IFT88: variants seen among roughly 807,000 people sequenced by gnomAD.
The protein encoded by IFT88 is intraflagellar transport 88.
IFT88 carries 74 observed loss-of-function variants against 119.5 expected under a neutral mutation model. The observed-to-expected ratio is 0.62, with a 90% confidence interval of 0.51 to 0.75. The LOEUF (loss-of-function observed/expected upper bound fraction) is 0.75, where lower values mean the gene tolerates loss of function less well. Among genes scored for constraint, IFT88 ranks in the 30% least tolerant of loss-of-function variants. The probability of loss-of-function intolerance (pLI) is 0.00; values close to 1 mark genes in which losing one functional copy is unlikely to be tolerated. For synonymous variants in IFT88, 279 were observed against 316.7 expected, an observed-to-expected ratio of 0.88 and a Z score of 1.26; for missense variants, 961 against 977.7, an observed-to-expected ratio of 0.98 and a Z score of 0.23.
At chr13:20,608,306 T>C (rs954473094) in intron 13 of IFT88, among the ~76,000 whole-genome samples, 1 of 152,220 alleles carries the variant, frequency 6.6e-6, no homozygotes, top group South Asian at 2.1e-4. Flanking sequence ...TGGCGCCCCA[T>C]GAGCCACAGG....
chr13:20,685,295 G>A (rs2057789904), intron 24 of IFT88, among the ~76,000 whole-genome samples: 2 of 152,154 alleles, frequency 1.3e-5, no homozygotes, highest in Admixed American at 6.5e-5. Context: ...GTAAACCAAC[G>A]ACTTCTAGCA....
rs757994270 is a variant in IFT88 at position 20,638,346 on chromosome 13, A to G, written c.1401A>G (p.Ala467=). 7.4e-7 allele frequency: 1 copy of G among 1,352,838 alleles called. No individual in the cohort carries two copies. The highest frequency in any genetic ancestry group is 9.6e-7 in the Non-Finnish European group (1 of 1,043,034). 83.8% of individuals were successfully genotyped at this position (1,352,838 alleles called of 1,614,324 possible). A position where few individuals can be genotyped will look rare whatever the true frequency, so the allele number is the denominator to read the frequency against. The part of the protein sequence containing the change: ...SALYYMGKDF[A]QASSYADIAV... ...ATTTTACTTAGGGAAAGGATTTTGCACAAGCCAGCAGCTATGCAGATATAG... is the reference window on the plus strand; with the variant it reads ...ATTTTACTTAGGGAAAGGATTTTGCGCAAGCCAGCAGCTATGCAGATATAG... The change falls in exon 17 of 26, where the codon GCA becomes GCG. Residue 467 remains alanine, a synonymous_variant. Coordinates refer to ENST00000351808, the MANE Select transcript of IFT88 (RefSeq NM_006531.5).
intron 22 of IFT88, chr13:20,663,220 C>T: frequency 7.3e-7 from 1 of 1,374,300 alleles, no homozygotes; most frequent in Middle Eastern, 2.3e-4. Flanking sequence ...CATTTGCCTT[C>T]TAAGTTCTCT....
intron 21 of IFT88, among the ~76,000 whole-genome samples, chr13:20,656,082 T>A (rs987032903): frequency 7.8e-6 from 1 of 128,574 alleles, no homozygotes. Context: ...GAATAGCCAC[T>A]GTACTCCAGC....
chr13:20,631,050 A>G lies in IFT88; in HGVS notation c.1334A>G (p.Asp445Gly). The G allele has an allele frequency of 6.2e-7, 1 of 1,606,602 alleles. No individual in the cohort carries two copies. The highest frequency in any genetic ancestry group is 2.2e-5 in the East Asian group (1 of 44,812). ...ATCTTAAAAGTGTTGGAAAAAAAGG[A>G]CAGTAGAGTGAAAAGTGCAGCTGCA... Reference protein sequence around the residue: ...VEILKVLEKKDSRVKSAAATN... With the variant: ...VEILKVLEKKGSRVKSAAATN... Residue 445 changes from aspartate (D) to glycine (G), a missense_variant, in exon 16 of 26, where the codon GAC becomes GGC. By Grantham distance (94) the Asp-to-Gly change is moderately conservative. Coordinates refer to ENST00000351808, the MANE Select transcript of IFT88 (RefSeq NM_006531.5).
intron 14 of IFT88, among the ~76,000 whole-genome samples, chr13:20,624,264 T>G (rs540284289): frequency 6.6e-6 from 1 of 152,234 alleles, no homozygotes; most frequent in South Asian, 2.1e-4. Context: ...AATAAAGGAT[T>G]TTGCAAAGGA....
At chr13:20,625,690 C>T (rs2047180181) in intron 14 of IFT88, 60 bp from the exon 15 acceptor site, 1 of 1,162,348 alleles carries the variant, frequency 8.6e-7, no homozygotes, top group African/African-American at 1.6e-5. Flanking sequence ...TTTAAGAAAA[C>T]CAACAGCATC....
chr13:20,568,029 A>G (rs1043547456), intron 1 of IFT88: 2 of 713,372 alleles, frequency 2.8e-6, no homozygotes, highest in Non-Finnish European at 2.6e-6. Context: ...AAATCGCAAA[A>G]AAGAATCTCA....
At chr13:20,627,068 G>A (rs12873775) in intron 15 of IFT88, among the ~76,000 whole-genome samples, 60,482 of 152,104 alleles carry the variant, frequency 0.4, 13,837 homozygotes, top group Non-Finnish European at 0.52. Context: ...AGCAACCCCA[G>A]TGTTCACGAA....
At chr13:20,627,818 AT>A (rs2047595557) in intron 15 of IFT88, among the ~76,000 whole-genome samples, 1 of 151,312 alleles carries the variant, frequency 6.6e-6, no homozygotes, top group African/African-American at 2.4e-5. Context: ...AAACACTCTA[AT>A]TTTTTAATGT....
chr13:20,684,746 C>T lies in IFT88; in HGVS notation c.2243-5959C>T, dbSNP rs576539127. On this transcript the variant is annotated intron_variant, in intron 24 of 25. Transcript: ENST00000351808. ...ACTCAAGCCTCGTGCCTGCTCGACC[C>T]TTGTCCCATTGTTACCCTGATGCTT... 1.2e-3 allele frequency among the ~76,000 whole-genome samples: 179 copies of T among 152,352 alleles called. 4 individuals are homozygous for T. Among genetic ancestry groups the T allele is most frequent in the Admixed American group, 2.0e-3 (31 of 15,310 alleles).
In IFT88 at chr13:20,595,469, T is replaced by C. The variant is rs551390181; in HGVS notation, c.399-681T>C. On this transcript the variant is annotated intron_variant, in intron 7 of 25. Transcript: ENST00000351808. ...AACACCTGGCTAATTTTTGTATTTTTAGTAGAGGCAGGGTTTCACCATGTT... is the reference window on the plus strand; with the variant it reads ...AACACCTGGCTAATTTTTGTATTTTCAGTAGAGGCAGGGTTTCACCATGTT... 3.3e-5 allele frequency among the ~76,000 whole-genome samples: 5 copies of C among 152,004 alleles called. No homozygotes were observed. In the East Asian group the frequency reaches 9.7e-4, roughly 30 times the overall value.
rs528411521 is a variant in IFT88 at position 20,612,765 on chromosome 13, A to C, written c.1113-3028A>C. ...CACTGTGAAGACAGAGGCATAAATGAATGGAATGGAATTGAGAGACAAGGA... is the reference window on the plus strand; with the variant it reads ...CACTGTGAAGACAGAGGCATAAATGCATGGAATGGAATTGAGAGACAAGGA... On this transcript the variant is annotated intron_variant, in intron 13 of 25. Coordinates refer to ENST00000351808, the MANE Select transcript of IFT88 (RefSeq NM_006531.5). Among the ~76,000 whole-genome samples, 4 of 152,330 alleles carry C rather than the reference A, an allele frequency of 2.6e-5. No homozygotes were observed. In the South Asian group the frequency reaches 8.3e-4, roughly 32 times the overall value.
intron 7 of IFT88, among the ~76,000 whole-genome samples, chr13:20,595,032 AG>A (rs869186716): frequency 4.1e-5 from 5 of 122,728 alleles, no homozygotes; most frequent in African/African-American, 1.0e-4. Context: ...TTATTTTGAA[AG>A]GTAACTGATT....
chr13:20,651,985 A>G (rs1415108658), intron 20 of IFT88, among the ~76,000 whole-genome samples: 1 of 152,230 alleles, frequency 6.6e-6, no homozygotes. Context: ...AAAAGAACAA[A>G]TACTCCACTT....
At chr13:20,659,411 T>C (rs373423338) in intron 22 of IFT88, among the ~76,000 whole-genome samples, 9 of 152,166 alleles carry the variant, frequency 5.9e-5, no homozygotes, top group African/African-American at 2.2e-4. Context: ...GAAGGATCGC[T>C]TGAACCCAGG....
intron 22 of IFT88, among the ~76,000 whole-genome samples, chr13:20,656,998 C>G (rs2052923970): frequency 6.6e-6 from 1 of 151,886 alleles, no homozygotes; most frequent in Non-Finnish European, 1.5e-5. Flanking sequence ...AGCTGGGACT[C>G]TAGGCGCGCA....
chr13:20,582,145 G>A (rs79174022), intron 2 of IFT88, among the ~76,000 whole-genome samples: 1 of 152,124 alleles, frequency 6.6e-6, no homozygotes, highest in Non-Finnish European at 1.5e-5. Flanking sequence ...GTGTGTGTTA[G>A]AGAAGGGGAA....
At chr13:20,613,539 A>G (rs1328397124) in intron 13 of IFT88, among the ~76,000 whole-genome samples, 1 of 152,184 alleles carries the variant, frequency 6.6e-6, no homozygotes, top group East Asian at 1.9e-4. Flanking sequence ...AAGGTTAAGC[A>G]TAGACTTACC....
Sources: gnomAD v4.1 joint callset for allele counts (sites outside exome capture counted in the v4.1 genomes callset) on GRCh38, gnomAD v4.1.1 for gene constraint, MANE v1.5 for transcripts, NCBI Gene and HGNC (gene_info 2026-07-23, HGNC 2026-07-21) for gene names.